Variants in WNT8A observed in about 807,000 individuals in gnomAD.
WNT8A encodes the protein protein Wnt-8a.
WNT8A carries 14 observed loss-of-function variants against 20.5 expected under a neutral mutation model. The ratio of observed to expected loss-of-function variants is 0.68; its 90% CI spans 0.45 to 1.07. WNT8A has a LOEUF of 1.07. WNT8A is among the 50% of genes least tolerant of loss of function. The probability of loss-of-function intolerance (pLI) is 0.00; values close to 1 mark genes in which losing one functional copy is unlikely to be tolerated. For missense variants in WNT8A, 397 were observed against 462.9 expected (o/e 0.86, Z 1.31); for synonymous variants, 167 against 169.2 (o/e 0.99, Z 0.10).
downstream of WNT8A, chr5:138,092,065 T>C (rs1750874392): frequency 1.3e-5 from 2 of 152,066 alleles, no homozygotes; most frequent in South Asian, 4.1e-4. Flanking sequence ...CTCAGAGAGC[T>C]GGGGACTCTT....
At chr5:138,091,831 AT>A (rs1750865210), downstream of WNT8A, among the ~76,000 whole-genome samples, 1 of 113,420 alleles carries the variant, frequency 8.8e-6, no homozygotes, top group African/African-American at 3.0e-5. Context: ...TGACTAAAAA[AT>A]AAATAAATAA....
upstream of WNT8A, among the ~76,000 whole-genome samples, chr5:138,080,327 A>C (rs1042961793): frequency 1.3e-5 from 2 of 151,224 alleles, no homozygotes; most frequent in Non-Finnish European, 1.5e-5. Flanking sequence ...CTCAAAAAAA[A>C]AAAAAACAAA....
chr5:138,080,750 G>C (rs1750491683), upstream of WNT8A, among the ~76,000 whole-genome samples: 1 of 151,950 alleles, frequency 6.6e-6, no homozygotes, highest in Non-Finnish European at 1.5e-5. Context: ...ATAGATGTGA[G>C]CTACCATGCC....
chr5:138,082,752 C>G (rs1750540085), upstream of WNT8A, among the ~76,000 whole-genome samples: 1 of 151,868 alleles, frequency 6.6e-6, no homozygotes, highest in Admixed American at 6.6e-5. Flanking sequence ...TGGCGCACAC[C>G]TGTAATCCCA....
chr5:138,088,026 C>T, intron 3 of WNT8A, 95 bp downstream of exon 3: 2 of 1,507,856 alleles, frequency 1.3e-6, no homozygotes, highest in South Asian at 1.2e-5. Flanking sequence ...AGGGACACAG[C>T]TCCCTTAAAC....
downstream of WNT8A, among the ~76,000 whole-genome samples, chr5:138,091,770 G>C (rs1750862170): frequency 1.8e-5 from 1 of 55,780 alleles, no homozygotes; most frequent in South Asian, 7.0e-4. Flanking sequence ...AGACTACAGT[G>C]AGGTGTGATT....
chr5:138,084,377 C>T, intron 1 of WNT8A, 94 bp downstream of exon 1: 1 of 1,557,006 alleles, frequency 6.4e-7, no homozygotes, highest in Non-Finnish European at 8.7e-7. Flanking sequence ...CAGAGCCCCT[C>T]ACCCAGAGGA....
chr5:138,079,066 A>C (rs886436609), upstream of WNT8A, among the ~76,000 whole-genome samples: 1 of 152,086 alleles, frequency 6.6e-6, no homozygotes, highest in Non-Finnish European at 1.5e-5. Flanking sequence ...GAAGGCGGGT[A>C]GTAAGAGGAA....
intron 4 of WNT8A, 48 bp downstream of exon 4, chr5:138,089,117 C>T (rs764977046): frequency 1.3e-5 from 21 of 1,585,016 alleles, no homozygotes; most frequent in Admixed American, 8.9e-5. Flanking sequence ...CACATCTGCC[C>T]GGCCCTTCAC....
At position 138,084,087 on chromosome 5, in the gene WNT8A, G is replaced by T. The variant is rs942466063; in HGVS notation, c.-41G>T. ...GACCTGGTCCACTGGGGTAGGCAGG[G>T]CGATGGGGAACCTGTTTATGCTCTG... On this transcript the variant is annotated 5_prime_UTR_variant, in exon 1 of 5. Coordinates refer to ENST00000506684, the MANE Select transcript of WNT8A (RefSeq NM_001300939.2). 2 of 1,612,210 alleles carry T rather than the reference G, an allele frequency of 1.2e-6. No homozygotes were observed. Among genetic ancestry groups the T allele is most frequent in the Non-Finnish European group, 1.7e-6 (2 of 1,178,692 alleles).
chr5:138,080,095 A>G (rs982109481), upstream of WNT8A, among the ~76,000 whole-genome samples: 1 of 152,158 alleles, frequency 6.6e-6, no homozygotes, highest in African/African-American at 2.4e-5. Context: ...GGCCGAGGTG[A>G]GCAAATCCCT....
chr5:138,081,968 C>A (rs937813900), upstream of WNT8A, among the ~76,000 whole-genome samples: 4 of 152,118 alleles, frequency 2.6e-5, no homozygotes, highest in African/African-American at 9.7e-5. Context: ...ACTCTTTGGC[C>A]CCTGGAACTC....
At chr5:138,079,321 A>G (rs1581350291), upstream of WNT8A, among the ~76,000 whole-genome samples, 2 of 48,172 alleles carry the variant, frequency 4.2e-5, no homozygotes, top group Non-Finnish European at 5.2e-5. Context: ...TATTAATTAT[A>G]TATTAATTAT....
upstream of WNT8A, among the ~76,000 whole-genome samples, chr5:138,081,281 G>A (rs1325932227): frequency 1.3e-5 from 2 of 151,302 alleles, no homozygotes; most frequent in African/African-American, 2.4e-5. Flanking sequence ...GAGCAGGAGC[G>A]AGCACAGTTT....
Position 138,084,635 on chromosome 5 carries a change from T to C in WNT8A, c.294T>C (p.Ser98=), listed in dbSNP as rs766542456. 1 of 1,605,234 alleles carries C rather than the reference T, an allele frequency of 6.2e-7. No individual in the cohort carries two copies. The highest frequency in any genetic ancestry group is 8.5e-7 in the Non-Finnish European group (1 of 1,175,214). Residue 98 remains serine (S), a splice_region_variant and synonymous_variant, in exon 2 of 5, where the codon AGT becomes AGC. Transcript: ENST00000506684. ...LQLSTHNRLR[S]ATRETSFIHA... ...TCTCCACCCACAACAGGCTGAGAAGTGGTAAGTTTGTGTGGGACTCACCTG... is the reference window on the plus strand; with the variant it reads ...TCTCCACCCACAACAGGCTGAGAAGCGGTAAGTTTGTGTGGGACTCACCTG...
downstream of WNT8A, among the ~76,000 whole-genome samples, chr5:138,091,912 C>T (rs1253642572): frequency 5.4e-5 from 4 of 74,358 alleles, 1 homozygote; most frequent in South Asian, 5.1e-4. Flanking sequence ...TTCCCACCCA[C>T]GCCTGGGGAA....
In WNT8A at chr5:138,087,920, A is replaced by G. The variant is rs1750724515; in HGVS notation, c.410A>G (p.Asn137Ser). 1.2e-6 allele frequency: 2 copies of G among 1,613,516 alleles called. No homozygotes were observed. The highest frequency in any genetic ancestry group is 2.7e-5 in the African/African-American group (2 of 74,906). ...AACTGTGGCTGTGATGGGTCAAACA[A>G]TGGAAAAACAGGTAAGTTGAGCTTT... ...FENCGCDGSN[N>S]GKTGGHGWIW... Residue 137 changes from asparagine to serine, a missense_variant, in exon 3 of 5, where the codon AAT (asparagine) becomes AGT (serine). Asn to Ser is a conservative substitution (Grantham distance 46). Coordinates refer to ENST00000506684, the MANE Select transcript of WNT8A (RefSeq NM_001300939.2).
At chr5:138,085,024 C>A (rs1485202013) in intron 2 of WNT8A, among the ~76,000 whole-genome samples, 4 of 152,112 alleles carry the variant, frequency 2.6e-5, no homozygotes. Context: ...GCAACTTCCG[C>A]CTCCGGAGTT....
At chr5:138,091,988 C>G (rs217255), downstream of WNT8A, 149,330 of 152,278 alleles carry the variant, frequency 0.98, 73,292 homozygotes, top group Middle Eastern at 1. Context: ...CATGGAAAGG[C>G]AATCATGGCA....
Sources: gnomAD v4.1 joint callset for allele counts (sites outside exome capture counted in the v4.1 genomes callset) on GRCh38, gnomAD v4.1.1 for gene constraint, MANE v1.5 for transcripts, NCBI Gene and HGNC (gene_info 2026-07-23, HGNC 2026-07-21) for gene names.